PITPNC1: variants seen among roughly 807,000 people sequenced by gnomAD.
PITPNC1 encodes the protein cytoplasmic phosphatidylinositol transfer protein 1.
In PITPNC1, 18 loss-of-function variants were observed where a neutral mutation model predicts 44.7. The ratio of observed to expected loss-of-function variants is 0.40; its 90% confidence interval spans 0.28 to 0.60. The LOEUF is 0.60. PITPNC1 is among the 20% of genes least tolerant of loss of function. The probability of loss-of-function intolerance (pLI) is 0.39; values close to 1 mark genes in which losing one functional copy is unlikely to be tolerated. For synonymous variants in PITPNC1, 141 were observed against 149.6 expected, an observed-to-expected ratio of 0.94 and a Z score of 0.42; for missense variants, 290 against 418.4, an observed-to-expected ratio of 0.69 and a Z score of 2.68.
Position 67,409,607 on chromosome 17 carries a change from C to A in PITPNC1, c.48+31405C>A, listed in dbSNP as rs184464294. ...AGGTTGGAGTGCAGTGGCGTGATCC[C>A]AACTCACTGCAACCTCCACCTCTTT... is the stretch of plus-strand genomic sequence containing the variant. On this transcript the variant is annotated intron_variant, in intron 1 of 8. Coordinates refer to ENST00000581322, the MANE Select transcript of PITPNC1 (RefSeq NM_012417.4). 5.4e-4 allele frequency among the ~76,000 whole-genome samples: 82 copies of A among 151,946 alleles called. No homozygotes were observed. The East Asian group carries it at 0.014, about 27-fold the overall frequency.
At chr17:67,385,246 C>T (rs1328759445) in intron 1 of PITPNC1, among the ~76,000 whole-genome samples, 1 of 152,098 alleles carries the variant, frequency 6.6e-6, no homozygotes, top group Non-Finnish European at 1.5e-5. Flanking sequence ...CAAAAACGCA[C>T]CAATCAGGTC....
chr17:67,456,225 T>A (rs139628136), intron 1 of PITPNC1, among the ~76,000 whole-genome samples: 1 of 152,350 alleles, frequency 6.6e-6, no homozygotes, highest in East Asian at 1.9e-4. Context: ...CCAGTCTTCT[T>A]CCCCTTTTTG....
At chr17:67,625,338 C>G (rs939161014) in intron 5 of PITPNC1, among the ~76,000 whole-genome samples, 1 of 152,104 alleles carries the variant, frequency 6.6e-6, no homozygotes, top group Non-Finnish European at 1.5e-5. Flanking sequence ...CAGGTGCCCC[C>G]CTGTAAAGCT....
intron 1 of PITPNC1, among the ~76,000 whole-genome samples, chr17:67,523,999 A>G (rs1012575469): frequency 5.3e-5 from 8 of 151,732 alleles, no homozygotes; most frequent in Admixed American, 6.6e-5. Flanking sequence ...TTTAGTAGAG[A>G]TGGGGTTTCA....
intron 1 of PITPNC1, among the ~76,000 whole-genome samples, chr17:67,383,868 T>C (rs1598599297): frequency 6.6e-6 from 1 of 151,868 alleles, no homozygotes; most frequent in Non-Finnish European, 1.5e-5. Context: ...AGAAACCCCG[T>C]CTCTACTAAA....
intron 6 of PITPNC1, among the ~76,000 whole-genome samples, chr17:67,656,419 A>G (rs1489887920): frequency 6.6e-6 from 1 of 152,150 alleles, no homozygotes; most frequent in Admixed American, 6.5e-5. Flanking sequence ...GACACTTGTC[A>G]TTGGATTTAG....
chr17:67,448,549 T>G lies in PITPNC1; in HGVS notation c.48+70347T>G, dbSNP rs950110250. On this transcript the variant is annotated intron_variant, in intron 1 of 8. Transcript: ENST00000581322. The stretch of plus-strand genomic sequence containing the variant: ...GGGTGCTTCATGCTTTATCTTGGTC[T>G]CTACCTTGATTAATCTCACCTCCGT... Among the ~76,000 whole-genome samples the G allele has an allele frequency of 4.0e-4, 61 of 152,172 alleles. 1 individual carries two copies. Among genetic ancestry groups the G allele is most frequent in the Non-Finnish European group, 2.9e-5 (2 of 68,030 alleles).
intron 1 of PITPNC1, among the ~76,000 whole-genome samples, chr17:67,401,466 T>C (rs758181997): frequency 6.6e-6 from 1 of 152,194 alleles, no homozygotes; most frequent in African/African-American, 2.4e-5. Flanking sequence ...GGTATCTGAC[T>C]CCTTAGAGCT....
intron 1 of PITPNC1, among the ~76,000 whole-genome samples, chr17:67,444,439 G>T (rs1055399244): frequency 1.3e-5 from 2 of 152,058 alleles, no homozygotes; most frequent in Non-Finnish European, 1.5e-5. Flanking sequence ...GCGGAGGGGG[G>T]TGAGCAGAGG....
chr17:67,600,436 T>C lies in PITPNC1; in HGVS notation c.366+22179T>C, dbSNP rs142011635. Among the ~76,000 whole-genome samples the C allele has an allele frequency of 1.8e-3, 270 of 151,972 alleles. 2 individuals carry two copies. Among genetic ancestry groups the C allele is most frequent in the African/African-American group, 6.3e-3 (260 of 41,446 alleles). ...TATTCGGGCTGCTCAGAGGGAAAAG[T>C]AAAGGAATAATGTTCATTTTAAAAG... On this transcript the variant is annotated intron_variant, in intron 5 of 8. Coordinates refer to ENST00000581322, the MANE Select transcript of PITPNC1 (RefSeq NM_012417.4).
At chr17:67,574,612 A>G (rs2041110555) in intron 4 of PITPNC1, among the ~76,000 whole-genome samples, 1 of 152,168 alleles carries the variant, frequency 6.6e-6, no homozygotes, top group Non-Finnish European at 1.5e-5. Flanking sequence ...AGTGGGCTGG[A>G]TTTTTGGAGA....
intron 4 of PITPNC1, among the ~76,000 whole-genome samples, chr17:67,568,396 T>G (rs1568044069): frequency 6.6e-6 from 1 of 152,156 alleles, no homozygotes; most frequent in Non-Finnish European, 1.5e-5. Flanking sequence ...CTTTGGGAGG[T>G]AATGGAAATG....
At chr17:67,656,911 T>A (rs2042275476) in intron 6 of PITPNC1, among the ~76,000 whole-genome samples, 1 of 152,170 alleles carries the variant, frequency 6.6e-6, no homozygotes, top group Non-Finnish European at 1.5e-5. Flanking sequence ...AACAGAAATA[T>A]ATACATATTT....
intron 1 of PITPNC1, among the ~76,000 whole-genome samples, chr17:67,460,343 A>G (rs1328979033): frequency 6.6e-6 from 1 of 151,978 alleles, no homozygotes; most frequent in African/African-American, 2.4e-5. Flanking sequence ...GGAACTCCCT[A>G]GTTGACCCCT....
chr17:67,512,639 G>A lies in PITPNC1; in HGVS notation c.49-20163G>A, dbSNP rs139213614. On this transcript the variant is annotated intron_variant, in intron 1 of 8. Coordinates refer to ENST00000581322, the MANE Select transcript of PITPNC1 (RefSeq NM_012417.4). ...TATTATCATTTTTTGTTTATATATC[G>A]ATTTCTCTTATTAGACTCTAAACTC... 3.8e-3 allele frequency among the ~76,000 whole-genome samples: 568 copies of A among 151,184 alleles called. 3 individuals carry two copies. The highest frequency in any genetic ancestry group is 7.4e-3 in the African/African-American group (304 of 41,154).
chr17:67,463,043 G>A (rs1001760280), intron 1 of PITPNC1, among the ~76,000 whole-genome samples: 1 of 152,186 alleles, frequency 6.6e-6, no homozygotes. Flanking sequence ...TTTAGCTTGA[G>A]CTCAACTAAA....
intron 2 of PITPNC1, among the ~76,000 whole-genome samples, chr17:67,546,654 AC>A (rs1307902954): frequency 6.6e-6 from 1 of 152,146 alleles, no homozygotes; most frequent in Admixed American, 6.5e-5. Context: ...CCTTCCAGGA[AC>A]CTGCAGGAGG....
intron 2 of PITPNC1, among the ~76,000 whole-genome samples, chr17:67,534,378 C>A (rs935574534): frequency 1.3e-5 from 2 of 152,078 alleles, no homozygotes; most frequent in Non-Finnish European, 2.9e-5. Context: ...TGGCTCACAC[C>A]TATAATCCCA....
intron 1 of PITPNC1, among the ~76,000 whole-genome samples, chr17:67,458,285 C>G (rs965053144): frequency 3.3e-5 from 5 of 152,196 alleles, no homozygotes; most frequent in Non-Finnish European, 5.9e-5. Context: ...CACCGTATCT[C>G]TGTTTTCATC....
Sources: gnomAD v4.1 joint callset for allele counts (sites outside exome capture counted in the v4.1 genomes callset) on GRCh38, gnomAD v4.1.1 for gene constraint, MANE v1.5 for transcripts, NCBI Gene and HGNC (gene_info 2026-07-23, HGNC 2026-07-21) for gene names.